PNPT1: variants seen among roughly 807,000 people sequenced by gnomAD.
PNPT1 encodes the protein polyribonucleotide nucleotidyltransferase 1, mitochondrial.
Under a neutral mutation model 119.5 loss-of-function variants are expected in PNPT1, and 53 were observed. That is an observed-to-expected ratio of 0.44 (90% CI 0.36 to 0.56). The LOEUF (loss-of-function observed/expected upper bound fraction) is 0.56. Ranked by LOEUF, PNPT1 falls within the 20% of genes least tolerant of loss-of-function variation. The pLI is 0.00. For missense variants in PNPT1, 948 were observed against 938.5 expected, an observed-to-expected ratio of 1.01 and a Z score of -0.13; for synonymous variants, 357 against 322.1, an observed-to-expected ratio of 1.11 and a Z score of -1.16.
chr2:55,637,057 C>T (rs1695697553), intron 27 of PNPT1, among the ~76,000 whole-genome samples: 1 of 152,100 alleles, frequency 6.6e-6, no homozygotes, highest in Non-Finnish European at 1.5e-5. Context: ...TGTGGTGGAG[C>T]CCGAAAAAAC....
At chr2:55,650,196 T>C (rs1344956330) in intron 18 of PNPT1, among the ~76,000 whole-genome samples, 2 of 151,610 alleles carry the variant, frequency 1.3e-5, no homozygotes, top group East Asian at 1.9e-4. Context: ...TCTCCCTCTC[T>C]CCATGGTTTC....
At chr2:55,642,285 C>T (rs926042553) in intron 25 of PNPT1, among the ~76,000 whole-genome samples, 1 of 151,912 alleles carries the variant, frequency 6.6e-6, no homozygotes, top group Admixed American at 6.6e-5. Context: ...TTTGGGGTTT[C>T]ACCAATTACT....
chr2:55,671,309 T>A lies in PNPT1; in HGVS notation c.976+10A>T, dbSNP rs1378749417. ...AGCAAAAAAATAAAATAAAATAAAA[T>A]AAAATTTACCTTTTAGTTGTTCCTC... is the stretch of plus-strand genomic sequence containing the variant. On this transcript the variant is annotated intron_variant, in intron 11 of 27. Coordinates refer to ENST00000447944, the MANE Select transcript of PNPT1 (RefSeq NM_033109.5). The A allele has an allele frequency of 2.8e-6, 4 of 1,444,788 alleles. No individual in the cohort carries two copies. In the East Asian group the frequency reaches 7.4e-5, roughly 27 times the overall value. 89.5% of individuals were successfully genotyped at this position (1,444,788 alleles called of 1,614,324 possible).
chr2:55,640,542 G>T (rs985536201), intron 26 of PNPT1, 85 bp downstream of exon 26: 1 of 1,170,692 alleles, frequency 8.5e-7, no homozygotes, highest in Non-Finnish European at 1.3e-6. Flanking sequence ...TAGGCAAAGT[G>T]TATAATTCTT....
intron 5 of PNPT1, among the ~76,000 whole-genome samples, chr2:55,681,795 G>C (rs911807935): frequency 7.0e-6 from 1 of 142,308 alleles, no homozygotes; most frequent in Non-Finnish European, 1.5e-5. Context: ...AGTGAGCTGA[G>C]ATCGCGCCAT....
At position 55,646,305 on chromosome 2, in the gene PNPT1, A is replaced by C. The variant is rs780376610; in HGVS notation, c.1692T>G (p.Pro564=). The C allele has an allele frequency of 4.2e-5, 67 of 1,612,810 alleles. No homozygotes were observed. The highest frequency in any genetic ancestry group is 5.2e-5 in the Non-Finnish European group (61 of 1,179,042). Residue 564 remains proline (P), a synonymous_variant, in exon 21 of 28, where the codon CCT becomes CCG. Transcript: ENST00000447944. ...CCATCACAATTTTTATTGGTATTCCAGGTAATTTAATATCAGCCTAATATG... is the reference window on the plus strand; with the variant it reads ...CCATCACAATTTTTATTGGTATTCCCGGTAATTTAATATCAGCCTAATATG... The part of the protein sequence containing the change: ...ITALQADIKL[P]GIPIKIVMEA...
chr2:55,658,101 G>A (rs1312654500), intron 15 of PNPT1, among the ~76,000 whole-genome samples: 1 of 151,610 alleles, frequency 6.6e-6, no homozygotes, highest in Non-Finnish European at 1.5e-5. Context: ...GCGGGGTGTG[G>A]TGGTGCCTGT....
intron 23 of PNPT1, 114 bp downstream of exon 23, chr2:55,644,523 T>C: frequency 4.4e-6 from 3 of 678,366 alleles, no homozygotes; most frequent in Middle Eastern, 5.7e-4. Context: ...TCTCCTGGTC[T>C]TTCTCTCATT....
At chr2:55,682,078 G>A (rs1333729808) in intron 5 of PNPT1, among the ~76,000 whole-genome samples, 2 of 152,022 alleles carry the variant, frequency 1.3e-5, no homozygotes, top group Non-Finnish European at 2.9e-5. Context: ...GGGAGGCGGA[G>A]CTTGCAGTGA....
chr2:55,667,002 C>T lies in PNPT1; in HGVS notation c.1165G>A (p.Gly389Arg), dbSNP rs1338957358. The change falls in exon 13 of 28, where the codon GGA becomes AGA. Residue 389 changes from glycine (G) to arginine (R), a missense_variant. Gly to Arg is a moderately radical substitution (Grantham distance 125, BLOSUM62 -2). Coordinates refer to ENST00000447944, the MANE Select transcript of PNPT1 (RefSeq NM_033109.5). ...TLHGSALFQR[G>R]QTQVLCTVTF... ...TTTATATAAATTACCTGTGTTTGTC[C>T]TCTTTGAAATAATGCTGATCCATGA... The T allele has an allele frequency of 6.3e-7, 1 of 1,581,098 alleles. No individual in the cohort carries two copies. Among genetic ancestry groups the T allele is most frequent in the Non-Finnish European group, 8.6e-7 (1 of 1,166,024 alleles).
At chr2:55,677,689 T>C (rs1469985960) in intron 8 of PNPT1, among the ~76,000 whole-genome samples, 4 of 150,810 alleles carry the variant, frequency 2.7e-5, no homozygotes, top group Non-Finnish European at 5.9e-5. Flanking sequence ...AGGTAGATAG[T>C]GGCTATATGA....
intron 26 of PNPT1, 101 bp downstream of exon 26, chr2:55,640,526 T>C: frequency 1.0e-6 from 1 of 1,003,026 alleles, no homozygotes; most frequent in Non-Finnish European, 1.5e-6. Flanking sequence ...CTGTTTAGGC[T>C]AGTAGTAGGC....
intron 10 of PNPT1, 82 bp downstream of exon 10, chr2:55,671,913 C>A: frequency 3.2e-6 from 3 of 929,948 alleles, no homozygotes; most frequent in Non-Finnish European, 3.3e-6. Flanking sequence ...ATAGGACTAG[C>A]ATTCATAAAG....
At position 55,687,679 on chromosome 2, in the gene PNPT1, A is replaced by G; in HGVS notation, c.188T>C (p.Leu63Pro). The change falls in exon 2 of 28, where the codon CTG (leucine) becomes CCG (proline). Residue 63 changes from leucine (L) to proline (P), a missense_variant. Leu to Pro is a moderately conservative substitution (Grantham distance 98). Transcript: ENST00000447944. The stretch of plus-strand genomic sequence containing the variant: ...AGCAGAGCCATCTGCAAATCTGGCC[A>G]GCTTTCCAGAAGATATTTCTAATTT... ...NRKLEISSGKLARFADGSAVV... is the reference protein window; with the variant it reads ...NRKLEISSGKPARFADGSAVV... The G allele has an allele frequency of 6.2e-7, 1 of 1,601,330 alleles. No individual in the cohort carries two copies. The highest frequency in any genetic ancestry group is 8.5e-7 in the Non-Finnish European group (1 of 1,175,870).
At chr2:55,639,159 C>A (rs920688852) in intron 26 of PNPT1, among the ~76,000 whole-genome samples, 3 of 152,088 alleles carry the variant, frequency 2.0e-5, no homozygotes, top group Non-Finnish European at 4.4e-5. Flanking sequence ...CACCTAAAGA[C>A]AATAAATTGC....
chr2:55,669,023 C>G (rs1436633463), intron 11 of PNPT1, among the ~76,000 whole-genome samples: 1 of 152,136 alleles, frequency 6.6e-6, no homozygotes, highest in Non-Finnish European at 1.5e-5. Context: ...TAATATTTGT[C>G]AAATGCTTTC....
intron 11 of PNPT1, among the ~76,000 whole-genome samples, chr2:55,668,683 ATC>A (rs1341292477): frequency 6.7e-6 from 1 of 149,994 alleles, no homozygotes; most frequent in East Asian, 2.0e-4. Context: ...CACCGCAACC[ATC>A]GCCTCCTGGG....
intron 13 of PNPT1, among the ~76,000 whole-genome samples, chr2:55,666,482 A>G (rs1488928414): frequency 6.6e-6 from 1 of 152,192 alleles, no homozygotes; most frequent in African/African-American, 2.4e-5. Flanking sequence ...CAAATCATAC[A>G]TTTTAAACAG....
intron 14 of PNPT1, among the ~76,000 whole-genome samples, chr2:55,660,738 A>G (rs1696539960): frequency 6.6e-6 from 1 of 152,178 alleles, no homozygotes; most frequent in African/African-American, 2.4e-5. Context: ...AGAAATAGAA[A>G]CCAAAGGCCA....
Sources: allele counts gnomAD v4.1 joint callset (sites outside exome capture counted in the v4.1 genomes callset), GRCh38; gene constraint gnomAD v4.1.1; transcripts MANE v1.5; gene names NCBI Gene and HGNC (gene_info 2026-07-23, HGNC 2026-07-21).